The following MYMX variants were observed in gnomAD, a reference collection of about 807,000 sequenced individuals.
The protein encoded by MYMX is myomixer, myoblast fusion factor.
chr6:44,200,134 C>G, the MYMX span, among the ~76,000 whole-genome samples: 9 of 151,942 alleles, frequency 5.9e-5, no homozygotes, highest in South Asian at 1.9e-3. Context: ...TGCCACTGCA[C>G]TCCAGGCCTG....
chr6:44,199,919 A>G, the MYMX span, among the ~76,000 whole-genome samples: 1 of 152,126 alleles, frequency 6.6e-6, no homozygotes, highest in African/African-American at 2.4e-5. Context: ...TTCTGGGCTC[A>G]AGCAATCCAA....
the MYMX span, among the ~76,000 whole-genome samples, chr6:44,210,403 C>T: frequency 2.0e-5 from 3 of 152,078 alleles, no homozygotes; most frequent in African/African-American, 7.2e-5. Flanking sequence ...ATCCTCCTGT[C>T]TCAGCCTCCT....
the MYMX span, among the ~76,000 whole-genome samples, chr6:44,198,421 T>A: frequency 6.8e-4 from 104 of 152,250 alleles, no homozygotes; most frequent in Non-Finnish European, 1.3e-3. Flanking sequence ...CGCCTCGGCC[T>A]CCCAAAGTGC....
upstream of MYMX, among the ~76,000 whole-genome samples, chr6:44,213,514 C>T (rs1282349907): frequency 2.7e-5 from 4 of 150,526 alleles, no homozygotes; most frequent in African/African-American, 9.8e-5. Flanking sequence ...CTCCGCCTCC[C>T]GGGCTCAAGC....
rs1325184682 is a variant in MYMX, at chr6:44,217,809, C to G, written c.*83C>G. ...ATCCTGGCACCAGCACTGACCGAAG[C>G]CTGCCCAGTGGACAGAAGATATAGT... On this transcript the variant is annotated 3_prime_UTR_variant, in exon 2 of 2. Transcript: ENST00000573382. The G allele has an allele frequency of 2.5e-6, 1 of 400,290 alleles. No homozygotes were observed. The highest frequency in any genetic ancestry group is 2.1e-5 in the African/African-American group (1 of 48,706). 24.8% of individuals were successfully genotyped at this position (400,290 alleles called of 1,614,324 possible).
At chr6:44,202,506 A>C in the MYMX span, among the ~76,000 whole-genome samples, 11 of 151,274 alleles carry the variant, frequency 7.3e-5, no homozygotes, top group East Asian at 2.1e-3. Flanking sequence ...AGAGCATGGG[A>C]GGCAGAGGTC....
At chr6:44,192,830 C>T in the MYMX span, among the ~76,000 whole-genome samples, 2 of 152,186 alleles carry the variant, frequency 1.3e-5, no homozygotes, top group Non-Finnish European at 2.9e-5. Flanking sequence ...TTCCTGTTTC[C>T]TCCTGCCTCT....
At chr6:44,200,161 C>G in the MYMX span, among the ~76,000 whole-genome samples, 2 of 150,622 alleles carry the variant, frequency 1.3e-5, no homozygotes, top group African/African-American at 5.0e-5. Flanking sequence ...AGAGGAAGAG[C>G]CTACCTCTTA....
chr6:44,210,373 C>T, the MYMX span, among the ~76,000 whole-genome samples: 2 of 152,134 alleles, frequency 1.3e-5, no homozygotes, highest in African/African-American at 4.8e-5. Context: ...ACTGCAGTCT[C>T]GAACTTCTAG....
upstream of MYMX, among the ~76,000 whole-genome samples, chr6:44,215,226 C>T (rs116026997): frequency 0.017 from 2,569 of 152,236 alleles, 70 homozygotes; most frequent in African/African-American, 0.059. Context: ...CTCATCTGAT[C>T]CAGCAAGGCA....
upstream of MYMX, among the ~76,000 whole-genome samples, chr6:44,212,440 A>AAAAT (rs1775641294): frequency 2.0e-5 from 3 of 151,716 alleles, no homozygotes; most frequent in Non-Finnish European, 4.4e-5. Context: ...ATAAATAAAA[A>AAAAT]TTTTAAAAAA....
chr6:44,199,142 G>T, the MYMX span, among the ~76,000 whole-genome samples: 1 of 152,088 alleles, frequency 6.6e-6, no homozygotes, highest in Non-Finnish European at 1.5e-5. Context: ...CATATTACCA[G>T]ATTGGCCAGA....
the MYMX span, among the ~76,000 whole-genome samples, chr6:44,205,671 T>C: frequency 6.6e-6 from 1 of 151,868 alleles, no homozygotes; most frequent in Admixed American, 6.6e-5. Context: ...TAGCCAGGCA[T>C]GGTGGCGGGC....
chr6:44,204,490 T>C, the MYMX span, among the ~76,000 whole-genome samples: 1 of 152,194 alleles, frequency 6.6e-6, no homozygotes, highest in Non-Finnish European at 1.5e-5. Context: ...GGGATATTGA[T>C]TATTTCAAGC....
chr6:44,216,075 G>T (rs1775846601), upstream of MYMX, among the ~76,000 whole-genome samples: 1 of 152,190 alleles, frequency 6.6e-6, no homozygotes, highest in Non-Finnish European at 1.5e-5. Flanking sequence ...GTGTCCAGCT[G>T]TGCCCAGCTA....
the MYMX span, among the ~76,000 whole-genome samples, chr6:44,195,215 T>C: frequency 0.02 from 2,981 of 152,160 alleles, 96 homozygotes; most frequent in African/African-American, 0.067. Flanking sequence ...GATGGGGTTT[T>C]GCCATGTTGG....
At chr6:44,198,945 G>A in the MYMX span, among the ~76,000 whole-genome samples, 2 of 151,992 alleles carry the variant, frequency 1.3e-5, no homozygotes, top group East Asian at 3.9e-4. Context: ...TGTGCCAGAG[G>A]ATCAAATCTT....
chr6:44,211,171 AG>A, the MYMX span, among the ~76,000 whole-genome samples: 1 of 152,346 alleles, frequency 6.6e-6, no homozygotes, highest in African/African-American at 2.4e-5. Flanking sequence ...ATGTATTTAT[AG>A]ATTTGTCATT....
chr6:44,193,571 C>T, the MYMX span, among the ~76,000 whole-genome samples: 1 of 152,190 alleles, frequency 6.6e-6, no homozygotes, highest in Non-Finnish European at 1.5e-5. Flanking sequence ...TAACTATCAC[C>T]CCATATTGTC....
Sources: allele counts gnomAD v4.1 joint callset (sites outside exome capture counted in the v4.1 genomes callset), GRCh38; gene constraint gnomAD v4.1.1; transcripts MANE v1.5; gene names NCBI Gene and HGNC (gene_info 2026-07-23, HGNC 2026-07-21).